Variants in TMEM178B observed in about 807,000 individuals in gnomAD.
TMEM178B encodes transmembrane protein 178B.
In TMEM178B, 5 loss-of-function variants were observed where a neutral mutation model predicts 31.0. The ratio of observed to expected loss-of-function variants is 0.16; its 90% CI spans 0.08 to 0.34. The LOEUF (loss-of-function observed/expected upper bound fraction) is 0.34, where lower values mean the gene tolerates loss of function less well. Among genes scored for constraint, TMEM178B ranks in the 10% least tolerant of loss-of-function variants. The probability of loss-of-function intolerance (pLI) is 1.00; values close to 1 mark genes in which losing one functional copy is unlikely to be tolerated. For missense variants in TMEM178B, 275 were observed against 400.3 expected, an observed-to-expected ratio of 0.69 and a Z score of 2.67; for synonymous variants, 164 against 164.0, an observed-to-expected ratio of 1.00 and a Z score of 0.00.
At chr7:141,081,375 C>T (rs558149755) in intron 1 of TMEM178B, among the ~76,000 whole-genome samples, 1 of 152,268 alleles carries the variant, frequency 6.6e-6, no homozygotes, top group Non-Finnish European at 1.5e-5. Context: ...GTGGCTCACA[C>T]CTGTAATCCC....
chr7:141,282,609 C>T (rs773844734), intron 2 of TMEM178B, among the ~76,000 whole-genome samples: 2 of 152,170 alleles, frequency 1.3e-5, no homozygotes, highest in African/African-American at 2.4e-5. Flanking sequence ...AATTCTTTTA[C>T]GGAGTCCAAA....
chr7:141,242,162 A>G (rs1202240039), intron 2 of TMEM178B, among the ~76,000 whole-genome samples: 3 of 152,234 alleles, frequency 2.0e-5, no homozygotes, highest in African/African-American at 7.2e-5. Context: ...TTGAAATAAG[A>G]TTAACTTTGA....
intron 2 of TMEM178B, among the ~76,000 whole-genome samples, chr7:141,243,202 C>G (rs948681620): frequency 6.6e-6 from 1 of 151,998 alleles, no homozygotes; most frequent in African/African-American, 2.4e-5. Flanking sequence ...GGAGAATTGT[C>G]TCTTTCTCGG....
intron 2 of TMEM178B, among the ~76,000 whole-genome samples, chr7:141,307,919 G>C (rs1280451741): frequency 6.6e-6 from 1 of 152,184 alleles, no homozygotes; most frequent in Non-Finnish European, 1.5e-5. Flanking sequence ...TTTAGTGGAT[G>C]ATTAGTGATT....
chr7:141,111,190 A>G (rs2129175122), intron 1 of TMEM178B, among the ~76,000 whole-genome samples: 1 of 152,316 alleles, frequency 6.6e-6, no homozygotes, highest in South Asian at 2.1e-4. Flanking sequence ...TGGAGGAGCA[A>G]AGTCATGTCT....
At chr7:141,503,040 C>T in the TMEM178B span, among the ~76,000 whole-genome samples, 1 of 152,164 alleles carries the variant, frequency 6.6e-6, no homozygotes, top group African/African-American at 2.4e-5. Flanking sequence ...ATAACCCCTC[C>T]CCTCATCCAC....
intron 2 of TMEM178B, among the ~76,000 whole-genome samples, chr7:141,356,494 T>G (rs1799821195): frequency 6.6e-6 from 1 of 152,134 alleles, no homozygotes; most frequent in Non-Finnish European, 1.5e-5. Flanking sequence ...TTTTTTCATA[T>G]GTTTGTTGGT....
At chr7:141,320,240 T>G (rs1169252998) in intron 2 of TMEM178B, among the ~76,000 whole-genome samples, 1 of 152,188 alleles carries the variant, frequency 6.6e-6, no homozygotes, top group Non-Finnish European at 1.5e-5. Flanking sequence ...AACCTTTTTT[T>G]CTTTGTAAAT....
chr7:141,251,246 A>C (rs974217877), intron 2 of TMEM178B, among the ~76,000 whole-genome samples: 1 of 151,886 alleles, frequency 6.6e-6, no homozygotes, highest in African/African-American at 2.4e-5. Context: ...GTAAACAAAC[A>C]AACAGAAAAA....
chr7:141,271,527 C>T (rs552796465), intron 2 of TMEM178B, among the ~76,000 whole-genome samples: 3 of 152,266 alleles, frequency 2.0e-5, no homozygotes, highest in Admixed American at 2.0e-4. Flanking sequence ...TGGTATTGAT[C>T]GTGGTCCCTT....
At chr7:141,370,535 A>G (rs1360892849) in intron 2 of TMEM178B, among the ~76,000 whole-genome samples, 1 of 152,244 alleles carries the variant, frequency 6.6e-6, no homozygotes, top group Non-Finnish European at 1.5e-5. Flanking sequence ...GATAATAGAC[A>G]GGGACTTTTA....
chr7:141,470,406 T>A (rs1289122123), intron 3 of TMEM178B, 130 bp from the exon 4 acceptor site: 1 of 956,426 alleles, frequency 1.0e-6, no homozygotes, highest in Non-Finnish European at 1.5e-6. Flanking sequence ...TGCTCTTACC[T>A]AGACTTCCCA....
intron 2 of TMEM178B, among the ~76,000 whole-genome samples, chr7:141,360,547 T>C (rs528478863): frequency 3.7e-4 from 57 of 152,318 alleles, no homozygotes; most frequent in African/African-American, 1.3e-3. Flanking sequence ...ATGTCTGCAG[T>C]GGCTGTAGCT....
At chr7:141,404,088 G>A (rs184293276) in intron 2 of TMEM178B, among the ~76,000 whole-genome samples, 34 of 152,304 alleles carry the variant, frequency 2.2e-4, no homozygotes, top group Admixed American at 2.0e-3. Context: ...GGCGGATCAC[G>A]TGGTCAGGAG....
intron 1 of TMEM178B, among the ~76,000 whole-genome samples, chr7:141,133,411 C>T (rs919720153): frequency 1.6e-4 from 25 of 151,978 alleles, no homozygotes; most frequent in African/African-American, 6.0e-4. Flanking sequence ...ACCAAACAGA[C>T]ATCCCATAAC....
intron 2 of TMEM178B, among the ~76,000 whole-genome samples, chr7:141,260,737 T>G (rs2116359617): frequency 6.6e-6 from 1 of 152,300 alleles, no homozygotes; most frequent in South Asian, 2.1e-4. Context: ...AAAAAAACAT[T>G]ATTTTCAAAT....
chr7:141,509,144 T>C, the TMEM178B span, among the ~76,000 whole-genome samples: 3 of 152,268 alleles, frequency 2.0e-5, no homozygotes, highest in Admixed American at 1.3e-4. Flanking sequence ...TGTGTGCCAA[T>C]TGAGCATGGG....
intron 2 of TMEM178B, among the ~76,000 whole-genome samples, chr7:141,232,425 G>T (rs1383139759): frequency 6.6e-6 from 1 of 151,960 alleles, no homozygotes; most frequent in African/African-American, 2.4e-5. Context: ...CATTCCCACC[G>T]ACAGTGTTAA....
In TMEM178B at chr7:141,180,250, C is replaced by T. The variant is rs190002402; in HGVS notation, c.383-32341C>T. 2.7e-4 allele frequency among the ~76,000 whole-genome samples: 41 copies of T among 152,020 alleles called. No homozygotes were observed. The East Asian group carries it at 7.6e-3, about 28-fold the overall frequency. On this transcript the variant is annotated intron_variant, in intron 1 of 3. Transcript: ENST00000565468. ...AATTCCAGCACAGGCTGAGGCTGGTCGATCACCTGAGGTCAGGAGTTTGAG... is the reference window on the plus strand; with the variant it reads ...AATTCCAGCACAGGCTGAGGCTGGTTGATCACCTGAGGTCAGGAGTTTGAG...
Sources: gnomAD v4.1 joint callset for allele counts (sites outside exome capture counted in the v4.1 genomes callset) on GRCh38, gnomAD v4.1.1 for gene constraint, MANE v1.5 for transcripts, NCBI Gene and HGNC (gene_info 2026-07-23, HGNC 2026-07-21) for gene names.